Variants in NF1 observed in about 807,000 individuals in gnomAD.
The protein encoded by NF1 is neurofibromin.
NF1 carries 122 observed loss-of-function variants against 325.7 expected under a neutral mutation model. The observed-to-expected ratio is 0.37, with a 90% confidence interval of 0.32 to 0.44. The LOEUF is 0.44. NF1 is among the 20% of genes least tolerant of loss of function. The pLI, the probability that NF1 is intolerant of heterozygous loss-of-function variation, is 1.00. For missense variants in NF1, 2,140 were observed against 3,415.4 expected, an observed-to-expected ratio of 0.63 and a Z score of 9.31; for synonymous variants, 1,091 against 1,186.0, an observed-to-expected ratio of 0.92 and a Z score of 1.65.
At chr17:31,228,552 A>G (rs17881213) in intron 20 of NF1, among the ~76,000 whole-genome samples, 45 of 152,194 alleles carry the variant, frequency 3.0e-4, no homozygotes, top group African/African-American at 1.1e-3. Flanking sequence ...TTTTAGAACA[A>G]TTTCATCAAT....
chr17:31,178,396 A>G (rs2066062373), intron 5 of NF1, among the ~76,000 whole-genome samples: 1 of 152,262 alleles, frequency 6.6e-6, no homozygotes, highest in Non-Finnish European at 1.5e-5. Context: ...AACAACTGGT[A>G]CCAACCACTG....
intron 36 of NF1, among the ~76,000 whole-genome samples, chr17:31,274,870 C>T (rs2067974032): frequency 3.9e-5 from 6 of 152,136 alleles, no homozygotes; most frequent in Admixed American, 3.3e-4. Flanking sequence ...ACCTCAGTCT[C>T]AACTTGTTTA....
Position 31,200,084 on chromosome 17 carries a change from CA to C in NF1, c.889-336del, listed in dbSNP as rs2066498921. Among the ~76,000 whole-genome samples, 5 of 149,578 alleles carry C rather than the reference CA, an allele frequency of 3.3e-5. No homozygotes were observed. The East Asian group carries it at 9.8e-4, about 29-fold the overall frequency. The stretch of plus-strand genomic sequence containing the variant: ...CTGGGAGGCAGAGGTTGCAATGAGC[CA>C]AGATCGTGCCTTTGTACTCCAGCCT... On this transcript the variant is annotated intron_variant, in intron 8 of 57. Transcript: ENST00000358273.
chr17:31,105,894 T>G (rs1912818370), intron 1 of NF1, among the ~76,000 whole-genome samples: 1 of 152,214 alleles, frequency 6.6e-6, no homozygotes, highest in Non-Finnish European at 1.5e-5. Context: ...GAGTGGTATA[T>G]CTAGCACAAG....
intron 1 of NF1, among the ~76,000 whole-genome samples, chr17:31,129,454 A>ATTTTTT (rs59199139): frequency 7.9e-6 from 1 of 126,438 alleles, no homozygotes; most frequent in African/African-American, 2.8e-5. Context: ...GCATTATGAA[A>ATTTTTT]TTTTTTTTTT....
In NF1 at chr17:31,145,286, G is replaced by A. The variant is rs370852517; in HGVS notation, c.61-10697G>A. Among the ~76,000 whole-genome samples, 8 of 152,214 alleles carry A rather than the reference G, an allele frequency of 5.3e-5. No individual in the cohort carries two copies. In the South Asian group the frequency reaches 1.5e-3, roughly 28 times the overall value. On this transcript the variant is annotated intron_variant, in intron 1 of 57. Coordinates refer to ENST00000358273, the MANE Select transcript of NF1 (RefSeq NM_001042492.3). ...GGGCTCAATGCAACCTCCGCCTCCCGGGTTCAAGCAATTCTCCCACCTCAG... is the reference window on the plus strand; with the variant it reads ...GGGCTCAATGCAACCTCCGCCTCCCAGGTTCAAGCAATTCTCCCACCTCAG...
At chr17:31,102,216 A>G (rs186207909) in intron 1 of NF1, among the ~76,000 whole-genome samples, 15 of 152,320 alleles carry the variant, frequency 9.8e-5, no homozygotes, top group Non-Finnish European at 1.8e-4. Context: ...GATCTGATCA[A>G]CTACTTTTGT....
intron 22 of NF1, 32 bp downstream of exon 22, chr17:31,230,006 T>C (rs2067085964): frequency 6.2e-7 from 1 of 1,610,976 alleles, no homozygotes; most frequent in East Asian, 2.2e-5. Context: ...AGCAGAAACA[T>C]TTTAAGAGAT....
chr17:31,135,743 A>AT (rs111746832), intron 1 of NF1, among the ~76,000 whole-genome samples: 2,446 of 143,952 alleles, frequency 0.017, 34 homozygotes, highest in Middle Eastern at 0.025. Context: ...ATTAAAAAAC[A>AT]TTTTTTTTTT....
At chr17:31,357,589 A>G (rs2070305630) in intron 54 of NF1, 1 of 579,520 alleles carries the variant, frequency 1.7e-6, no homozygotes, top group Non-Finnish European at 3.1e-6. Context: ...TGGTTGATTT[A>G]TTTAAGTGGT....
chr17:31,343,157 TA>T, intron 48 of NF1, 22 bp downstream of exon 48: 1 of 1,592,020 alleles, frequency 6.3e-7, no homozygotes, highest in Non-Finnish European at 8.6e-7. Context: ...TTATTTAGAA[TA>T]TTTTTATGAA....
At chr17:31,295,229 G>C in intron 36 of NF1, 3 of 1,614,118 alleles carry the variant, frequency 1.9e-6, no homozygotes, top group Non-Finnish European at 2.5e-6. Context: ...TGTTGAGCTA[G>C]TGAGGCTTGT....
chr17:31,200,186 G>A (rs530672892), intron 8 of NF1, among the ~76,000 whole-genome samples: 7 of 151,396 alleles, frequency 4.6e-5, no homozygotes, highest in African/African-American at 1.4e-4. Context: ...GGGAAGGACT[G>A]TTTTTTGTAT....
At chr17:31,190,089 CAAAAAAAAAA>C (rs766783457) in intron 8 of NF1, among the ~76,000 whole-genome samples, 3 of 98,218 alleles carry the variant, frequency 3.1e-5, no homozygotes, top group Admixed American at 2.2e-4. Flanking sequence ...AAATGTATTA[CAAAAAAAAAA>C]AAAAAAAAAA....
rs184557416 is a variant in NF1, at chr17:31,344,739, G to T, written c.7189+1604G>T. 1.6e-4 allele frequency among the ~76,000 whole-genome samples: 25 copies of T among 152,348 alleles called. No homozygotes were observed. The East Asian group carries it at 4.0e-3, about 25-fold the overall frequency. On this transcript the variant is annotated intron_variant, in intron 48 of 57. Transcript: ENST00000358273. ...CTAAAGGATACCAAGATAAGTAATT[G>T]TAACTGGGCTAATAAAGTGCTTAAT...
intron 8 of NF1, among the ~76,000 whole-genome samples, chr17:31,191,238 T>C (rs993776907): frequency 1.3e-5 from 2 of 152,148 alleles, no homozygotes; most frequent in African/African-American, 4.8e-5. Flanking sequence ...TGAAGGCAAG[T>C]TACAATCTTG....
At chr17:31,109,790 C>T (rs886704858) in intron 1 of NF1, among the ~76,000 whole-genome samples, 4 of 152,178 alleles carry the variant, frequency 2.6e-5, no homozygotes, top group Non-Finnish European at 5.9e-5. Context: ...GATTCTTGTT[C>T]TTCTTTCCTC....
At chr17:31,255,442 AGTT>A (rs1264112939) in intron 31 of NF1, among the ~76,000 whole-genome samples, 3 of 152,162 alleles carry the variant, frequency 2.0e-5, no homozygotes. Context: ...TCCTTTTATA[AGTT>A]GACTTACGAA....
rs185278275 is a variant in NF1 at position 31,181,531 on chromosome 17, G to A, written c.654+42G>A. Reference sequence around the variant, plus strand: ...CTGGTATTAAAATTTTGTTTTTGATGTAAAATTTGCTGTTGTTAGCATCCT... The same window carrying A: ...CTGGTATTAAAATTTTGTTTTTGATATAAAATTTGCTGTTGTTAGCATCCT... On this transcript the variant is annotated intron_variant, in intron 6 of 57. Coordinates refer to ENST00000358273, the MANE Select transcript of NF1 (RefSeq NM_001042492.3). 5.0e-6 allele frequency: 8 copies of A among 1,588,740 alleles called. No homozygotes were observed. In the East Asian group the frequency reaches 9.0e-5, roughly 18 times the overall value.
Sources: allele counts gnomAD v4.1 joint callset (sites outside exome capture counted in the v4.1 genomes callset), GRCh38; gene constraint gnomAD v4.1.1; transcripts MANE v1.5; gene names NCBI Gene and HGNC (gene_info 2026-07-23, HGNC 2026-07-21).